TENM2: variants seen among roughly 807,000 people sequenced by gnomAD.
TENM2 encodes teneurin transmembrane protein 2, also known as teneurin-2.
A neutral mutation model predicts 245.2 loss-of-function variants in TENM2; 52 were observed. The ratio of observed to expected loss-of-function variants is 0.21; its 90% confidence interval spans 0.17 to 0.27. TENM2 has a LOEUF of 0.27. TENM2 is among the 10% of genes least tolerant of loss of function. The probability of loss-of-function intolerance (pLI) is 1.00; values close to 1 mark genes in which losing one functional copy is unlikely to be tolerated. For synonymous variants in TENM2, 1,363 were observed against 1,438.9 expected (o/e 0.95, Z 1.19); for missense variants, 3,046 against 3,666.8 (o/e 0.83, Z 4.37).
At position 168,169,347 on chromosome 5, in the gene TENM2, T is replaced by A. The variant is rs181717203; in HGVS notation, c.2569+6590T>A. On this transcript the variant is annotated intron_variant, in intron 13 of 28. Coordinates refer to ENST00000518659, the Ensembl canonical transcript of TENM2. Reference sequence around the variant, plus strand: ...GCAGAGCAGTATTTCCCACCCTACCTCCATCTGCAAGGCTCGGTTCCTTGG... The same window carrying A: ...GCAGAGCAGTATTTCCCACCCTACCACCATCTGCAAGGCTCGGTTCCTTGG... Among the ~76,000 whole-genome samples, 362 of 152,248 alleles carry A rather than the reference T, an allele frequency of 2.4e-3. 2 individuals are homozygous for A. Among genetic ancestry groups the A allele is most frequent in the Non-Finnish European group, 4.5e-3 (308 of 68,008 alleles).
Position 167,669,147 on chromosome 5 carries a change from C to A in TENM2, c.503-206839C>A, listed in dbSNP as rs79873608. ...GAATGCAGTATGACTTTGGTGGGCT[C>A]ACGGTTCTCAGTGTTTACATGCATC... On this transcript the variant is annotated intron_variant, in intron 2 of 28. Transcript: ENST00000518659. Among the ~76,000 whole-genome samples the A allele has an allele frequency of 6.6e-5, 10 of 152,236 alleles. No homozygotes were observed. In the East Asian group the frequency reaches 1.9e-3, roughly 29 times the overall value.
intron 12 of TENM2, among the ~76,000 whole-genome samples, chr5:168,139,193 AAT>A (rs1424250679): frequency 6.6e-6 from 1 of 152,246 alleles, no homozygotes; most frequent in Non-Finnish European, 1.5e-5. Flanking sequence ...GATACACACA[AAT>A]GACTCCCTCA....
intron 2 of TENM2, among the ~76,000 whole-genome samples, chr5:167,648,642 C>G (rs1780128271): frequency 6.6e-6 from 1 of 152,198 alleles, no homozygotes; most frequent in South Asian, 2.1e-4. Context: ...CGACTGTTCT[C>G]TTGCTGCAGT....
intron 13 of TENM2, among the ~76,000 whole-genome samples, chr5:168,163,702 G>A (rs1231679979): frequency 1.3e-5 from 2 of 152,174 alleles, no homozygotes; most frequent in Non-Finnish European, 2.9e-5. Context: ...CAGGGAGAAG[G>A]CCAGAGATAA....
intron 2 of TENM2, among the ~76,000 whole-genome samples, chr5:167,867,163 G>A (rs1651697567): frequency 6.6e-6 from 1 of 152,166 alleles, no homozygotes; most frequent in Non-Finnish European, 1.5e-5. Flanking sequence ...CAGGTAAGGT[G>A]GGTTTGTGTC....
chr5:166,980,290 C>G, the TENM2 span, among the ~76,000 whole-genome samples: 4 of 152,104 alleles, frequency 2.6e-5, no homozygotes, highest in African/African-American at 9.7e-5. Context: ...AATTGTGAGA[C>G]ACGTACAGCA....
At chr5:167,350,416 T>TGC (rs1491025316) in intron 1 of TENM2, among the ~76,000 whole-genome samples, 1 of 29,514 alleles carries the variant, frequency 3.4e-5, no homozygotes, top group Non-Finnish European at 6.9e-5. Context: ...CATATATATG[T>TGC]GTGTGTGTGT....
At chr5:167,716,767 C>G (rs78454557) in intron 2 of TENM2, among the ~76,000 whole-genome samples, 1 of 151,834 alleles carries the variant, frequency 6.6e-6, no homozygotes, top group African/African-American at 2.4e-5. Flanking sequence ...ATTACTATGC[C>G]TATAATACAG....
At chr5:167,957,265 G>A (rs1780633738) in intron 4 of TENM2, among the ~76,000 whole-genome samples, 1 of 152,176 alleles carries the variant, frequency 6.6e-6, no homozygotes. Context: ...TTTGCATAGA[G>A]ATGTTTATAG....
intron 5 of TENM2, among the ~76,000 whole-genome samples, chr5:168,010,263 T>G (rs1296922935): frequency 6.6e-6 from 1 of 152,246 alleles, no homozygotes; most frequent in African/African-American, 2.4e-5. Context: ...GACAACGCTC[T>G]GAAAGCCTCT....
At chr5:167,937,209 C>T (rs1044283955) in intron 3 of TENM2, among the ~76,000 whole-genome samples, 5 of 152,190 alleles carry the variant, frequency 3.3e-5, no homozygotes, top group Non-Finnish European at 5.9e-5. Context: ...CCTGCTTTTG[C>T]TTCATAGTAC....
At chr5:167,179,452 C>T in the TENM2 span, among the ~76,000 whole-genome samples, 7 of 152,256 alleles carry the variant, frequency 4.6e-5, no homozygotes, top group East Asian at 1.2e-3. Flanking sequence ...TTATCAGCTA[C>T]ATTCTTTTTT....
intron 22 of TENM2, 128 bp downstream of exon 24, chr5:168,217,050 T>G: frequency 9.4e-7 from 1 of 1,062,954 alleles, no homozygotes; most frequent in Non-Finnish European, 1.4e-6. Flanking sequence ...ACGGGGTTGT[T>G]TGGAGAAAGC....
chr5:168,205,773 T>C (rs999016420), intron 19 of TENM2, among the ~76,000 whole-genome samples: 4 of 152,194 alleles, frequency 2.6e-5, no homozygotes, highest in Admixed American at 1.3e-4. Context: ...TACATTGTAT[T>C]GCAATGAACA....
chr5:167,487,069 G>A (rs1293307150), intron 2 of TENM2, among the ~76,000 whole-genome samples: 1 of 152,222 alleles, frequency 6.6e-6, no homozygotes, highest in African/African-American at 2.4e-5. Context: ...CTTCTGATAG[G>A]CGGATCTGAA....
chr5:167,788,961 T>C lies in TENM2; in HGVS notation c.503-87025T>C, dbSNP rs1392772173. Reference sequence around the variant, plus strand: ...ACAGGTAGGAATTACAAAATCTTTGTGGGTCAAGCTGATCATACCTGCTGC... The same window carrying C: ...ACAGGTAGGAATTACAAAATCTTTGCGGGTCAAGCTGATCATACCTGCTGC... On this transcript the variant is annotated intron_variant, in intron 2 of 28. Coordinates refer to ENST00000518659, the Ensembl canonical transcript of TENM2. Among the ~76,000 whole-genome samples, 3 of 152,184 alleles carry C rather than the reference T, an allele frequency of 2.0e-5. No individual in the cohort carries two copies. In the East Asian group the frequency reaches 5.8e-4, roughly 29 times the overall value.
the TENM2 span, among the ~76,000 whole-genome samples, chr5:167,206,209 TG>T: frequency 2.0e-5 from 3 of 152,218 alleles, no homozygotes; most frequent in African/African-American, 7.2e-5. Context: ...TGTTCAAAAC[TG>T]AACTCATCAT....
the TENM2 span, among the ~76,000 whole-genome samples, chr5:167,087,313 C>A: frequency 1.3e-5 from 2 of 152,202 alleles, no homozygotes; most frequent in Admixed American, 1.3e-4. Flanking sequence ...ACGCACGTCA[C>A]CTGTTTGCAA....
chr5:167,459,094 G>T (rs1766121142), intron 2 of TENM2, among the ~76,000 whole-genome samples: 1 of 152,082 alleles, frequency 6.6e-6, no homozygotes, highest in African/African-American at 2.4e-5. Flanking sequence ...GCATCTCCAG[G>T]ATTCTTTCCA....
Sources: gnomAD v4.1 joint callset for allele counts (sites outside exome capture counted in the v4.1 genomes callset) on GRCh38, gnomAD v4.1.1 for gene constraint, MANE v1.5 for transcripts, NCBI Gene and HGNC (gene_info 2026-07-23, HGNC 2026-07-21) for gene names.